JAG2: variants seen among roughly 807,000 people sequenced by gnomAD.
The protein encoded by JAG2 is jagged canonical Notch ligand 2, also known as protein jagged-2.
In JAG2, 46 loss-of-function variants were observed where a neutral mutation model predicts 141.7. The observed-to-expected ratio is 0.32, with a 90% confidence interval of 0.26 to 0.42. JAG2 has a LOEUF of 0.42. Ranked by LOEUF, JAG2 falls within the 10% of genes least tolerant of loss-of-function variation. JAG2 has a pLI of 1.00. For synonymous variants in JAG2, 862 were observed against 763.5 expected (o/e 1.13, Z -2.13); for missense variants, 1,500 against 1,817.5 (o/e 0.83, Z 3.18).
chr14:105,143,286 G>A (rs1237656472), intron 25 of JAG2, 116 bp from the exon 26 acceptor site: 16 of 1,356,982 alleles, frequency 1.2e-5, no homozygotes, highest in African/African-American at 2.9e-5. Context: ...CCCACCCTCC[G>A]GTTGCTGGCT....
intron 24 of JAG2, 112 bp from the exon 25 acceptor site, chr14:105,143,750 C>T (rs758930806): frequency 6.8e-5 from 91 of 1,346,270 alleles, no homozygotes; most frequent in Middle Eastern, 2.5e-4. Context: ...GCACGGGAGA[C>T]GAGAGCCCGG....
intron 12 of JAG2, 102 bp from the exon 13 acceptor site, chr14:105,149,422 G>A: frequency 3.4e-6 from 5 of 1,478,994 alleles, no homozygotes; most frequent in Non-Finnish European, 4.7e-6. Flanking sequence ...GGGACCCCCA[G>A]GCCCCTCCGC....
intron 2 of JAG2, among the ~76,000 whole-genome samples, chr14:105,165,856 C>T (rs949841083): frequency 2.6e-5 from 4 of 152,270 alleles, no homozygotes; most frequent in African/African-American, 9.6e-5. Flanking sequence ...GAACTCGGTC[C>T]TTGCCTTCCC....
intron 4 of JAG2, 55 bp downstream of exon 4, chr14:105,155,683 C>G: frequency 6.2e-7 from 1 of 1,612,244 alleles, no homozygotes; most frequent in Non-Finnish European, 8.5e-7. Flanking sequence ...GGCCTGTGCC[C>G]GGGGCCCTGC....
chr14:105,151,463 G>A, intron 8 of JAG2, 67 bp from the exon 9 acceptor site: 1 of 1,478,440 alleles, frequency 6.8e-7, no homozygotes, highest in South Asian at 1.2e-5. Flanking sequence ...CCCATGGGCA[G>A]GTGGCGCTGC....
At chr14:105,159,513 CCAGA>C (rs1888669271) in intron 2 of JAG2, among the ~76,000 whole-genome samples, 1 of 151,898 alleles carries the variant, frequency 6.6e-6, no homozygotes, top group African/African-American at 2.4e-5. Flanking sequence ...CCTACAGGCG[CCAGA>C]CAATCCCCAG....
intron 24 of JAG2, 67 bp from the exon 25 acceptor site, chr14:105,143,705 C>A: frequency 6.3e-7 from 1 of 1,577,900 alleles, no homozygotes; most frequent in Middle Eastern, 2.3e-4. Context: ...CTGCCCCCAA[C>A]ACTGAGGCCC....
chr14:105,150,973 C>G lies in JAG2; in HGVS notation c.1381+18G>C, dbSNP rs1566763530. 1 of 1,608,066 alleles carries G rather than the reference C, an allele frequency of 6.2e-7. No individual in the cohort carries two copies. Among genetic ancestry groups the G allele is most frequent in the South Asian group, 1.1e-5 (1 of 90,036 alleles). On this transcript the variant is annotated intron_variant, in intron 10 of 25. Coordinates refer to ENST00000331782, the MANE Select transcript of JAG2 (RefSeq NM_002226.5). ...ATGTGCCTCGGCCCACCCGCCGGCG[C>G]CCACCCCCCATACTGACTGATATGG...
rs201033497 is a variant in JAG2 at position 105,142,757 on chromosome 14, G to C, written c.3655C>G (p.Pro1219Ala). The part of the protein sequence containing the change: ...PGRPAHWASG[P>A]KVDNRAVRSI... ...CTGACCGCGCGGTTGTCCACTTTGG[G>C]GCCTGAGGCCCAGTGGGCCGGCCTC... Residue 1219 changes from proline to alanine, a missense_variant, in exon 26 of 26, where the codon CCC becomes GCC. Physicochemically the swap from Pro to Ala is conservative, Grantham distance 27 (BLOSUM62 -1). Coordinates refer to ENST00000331782, the MANE Select transcript of JAG2 (RefSeq NM_002226.5). 7.5e-6 allele frequency: 12 copies of C among 1,610,372 alleles called. No homozygotes were observed. In the African/African-American group the frequency reaches 1.2e-4, roughly 16 times the overall value.
intron 1 of JAG2, 70 bp from the exon 2 acceptor site, chr14:105,168,177 G>A: frequency 7.5e-7 from 1 of 1,340,772 alleles, no homozygotes; most frequent in Non-Finnish European, 9.6e-7. Flanking sequence ...GCCAGGGGTG[G>A]GGGAACAGGC....
At position 105,154,704 on chromosome 14, in the gene JAG2, C is replaced by A. The variant is rs910125487; in HGVS notation, c.788+858G>T. On this transcript the variant is annotated intron_variant, in intron 5 of 25. Transcript: ENST00000331782. This position sits in a 1 kb window ranked among gnomAD's most constrained non-coding sequence, Gnocchi z 4.4. ...CCGTCACCGCCTGAATGCCACCCCC[C>A]ACAGGCCCCGCGTGGCGCAGGCCAG... 6.6e-6 allele frequency among the ~76,000 whole-genome samples: 1 copy of A among 152,126 alleles called. No individual in the cohort carries two copies. Among genetic ancestry groups the A allele is most frequent in the Non-Finnish European group, 1.5e-5 (1 of 68,018 alleles).
chr14:105,157,671 G>T, intron 3 of JAG2, 35 bp downstream of exon 3: 2 of 1,542,060 alleles, frequency 1.3e-6, no homozygotes, highest in Non-Finnish European at 1.8e-6. Flanking sequence ...CGCTGAAGCT[G>T]AGAGGAGCTG....
At chr14:105,151,597 G>A (rs768002336) in intron 8 of JAG2, 29 bp downstream of exon 8, 12 of 1,542,536 alleles carry the variant, frequency 7.8e-6, no homozygotes, top group Middle Eastern at 1.7e-4. Flanking sequence ...TACTAGGCAG[G>A]AGTCCCCTAC....
intron 2 of JAG2, among the ~76,000 whole-genome samples, chr14:105,166,460 G>A (rs939396198): frequency 1.2e-4 from 19 of 152,350 alleles, no homozygotes; most frequent in Non-Finnish European, 2.2e-4. Context: ...GCCCTCCCAT[G>A]CCCGCCCCTG....
At chr14:105,151,237 CCGCATGCG>C in intron 9 of JAG2, 38 bp downstream of exon 9, 1 of 1,576,580 alleles carries the variant, frequency 6.3e-7, no homozygotes, top group Non-Finnish European at 8.7e-7. Flanking sequence ...CCCCCGCAGC[CCGCATGCG>C]CGGCCCACGT....
chr14:105,150,380 G>A (rs587604290), intron 12 of JAG2, among the ~76,000 whole-genome samples: 1 of 152,242 alleles, frequency 6.6e-6, no homozygotes, highest in East Asian at 1.9e-4. Context: ...CAGGCCACCA[G>A]GAAACCCATC....
In JAG2 at chr14:105,157,745, C is replaced by T. The variant is rs981793762; in HGVS notation, c.436G>A (p.Val146Met). 7 of 1,577,304 alleles carry T rather than the reference C, an allele frequency of 4.4e-6. No homozygotes were observed. Among genetic ancestry groups the T allele is most frequent in the Middle Eastern group, 1.7e-4 (1 of 5,988 alleles). Residue 146 changes from valine to methionine, a missense_variant, in exon 3 of 26, where the codon GTG becomes ATG. Around this residue, in one of 3 missense-constraint regions of JAG2, gnomAD observed 875 missense variants for 1,202.2 expected, o/e 0.73. Coordinates refer to ENST00000331782, the MANE Select transcript of JAG2 (RefSeq NM_002226.5). ...TCGTTGTCCCAGTCCCAGGCCTCCA[C>T]GATGAGGGTAAAGGAGCGCTGCAGA... The part of the protein sequence containing the change: ...FAWPRSFTLI[V>M]EAWDWDNDTT...
chr14:105,142,442 A>G lies in JAG2; in HGVS notation c.*253T>C. On this transcript the variant is annotated 3_prime_UTR_variant, in exon 26 of 26. Transcript: ENST00000331782. ...GACACCCTTTGCTCTCTCCTTTCAT[A>G]CAGCGAGTGCCACGCACGGAAACTT... 2 of 504,012 alleles carry G rather than the reference A, an allele frequency of 4.0e-6. No individual in the cohort carries two copies. Among genetic ancestry groups the G allele is most frequent in the South Asian group, 4.8e-5 (2 of 42,006 alleles). The allele number at this position is 504,012 out of a possible 1,614,324, so 31.2% of individuals were successfully genotyped here.
At position 105,145,988 on chromosome 14, in the gene JAG2, A is replaced by C; in HGVS notation, c.2710-15T>G. On this transcript the variant is annotated splice_polypyrimidine_tract_variant and intron_variant, in intron 22 of 25. Transcript: ENST00000331782. ...CCGCACCACACCTGGGCAGGCACGC[A>C]CAGGAGGGTCAGGCGCAGGCGCACA... 1 of 1,591,996 alleles carries C rather than the reference A, an allele frequency of 6.3e-7. No homozygotes were observed. Among genetic ancestry groups the C allele is most frequent in the South Asian group, 1.1e-5 (1 of 88,182 alleles).
Sources: gnomAD v4.1 joint callset for allele counts (sites outside exome capture counted in the v4.1 genomes callset) on GRCh38, gnomAD v4.1.1 for gene constraint, gnomAD v4.1.1 regional missense constraint, Gnocchi (gnomAD v3.1) non-coding constraint, MANE v1.5 for transcripts, NCBI Gene and HGNC (gene_info 2026-07-23, HGNC 2026-07-21) for gene names.